The following LRMDA variants were observed in gnomAD, a reference collection of about 807,000 sequenced individuals.
The protein encoded by LRMDA is leucine-rich melanocyte differentiation-associated protein.
LRMDA carries 18 observed loss-of-function variants against 29.8 expected under a neutral mutation model. The ratio of observed to expected loss-of-function variants is 0.60; its 90% CI spans 0.42 to 0.90. LRMDA has a LOEUF of 0.90. Ranked by LOEUF, LRMDA falls within the 40% of genes least tolerant of loss-of-function variation. The pLI is 0.00. For synonymous variants in LRMDA, 125 were observed against 109.4 expected, an observed-to-expected ratio of 1.14 and a Z score of -0.89; for missense variants, 273 against 273.9, an observed-to-expected ratio of 1.00 and a Z score of 0.02.
intron 2 of LRMDA, among the ~76,000 whole-genome samples, chr10:75,713,848 C>CCT (rs1039534134): frequency 1.3e-5 from 2 of 151,698 alleles, no homozygotes; most frequent in Non-Finnish European, 2.9e-5. Flanking sequence ...TCTCTCCCAC[C>CCT]CTCTCTCTCT....
intron 6 of LRMDA, among the ~76,000 whole-genome samples, chr10:76,426,154 T>C (rs560686917): frequency 1.3e-5 from 2 of 152,284 alleles, no homozygotes; most frequent in South Asian, 4.1e-4. Context: ...TATTTCTAGT[T>C]CTAGATCCCT....
chr10:76,193,373 T>G (rs1379138166), intron 5 of LRMDA, among the ~76,000 whole-genome samples: 1 of 152,200 alleles, frequency 6.6e-6, no homozygotes, highest in Non-Finnish European at 1.5e-5. Context: ...TCAATCATTC[T>G]CTTTTAAAGT....
intron 5 of LRMDA, among the ~76,000 whole-genome samples, chr10:76,170,897 G>A (rs1850823326): frequency 6.6e-6 from 1 of 152,118 alleles, no homozygotes; most frequent in African/African-American, 2.4e-5. Context: ...AGGTATTTGT[G>A]GTATTGGTAT....
intron 2 of LRMDA, among the ~76,000 whole-genome samples, chr10:75,600,599 A>AGG (rs1271098777): frequency 1.3e-5 from 2 of 152,188 alleles, no homozygotes; most frequent in Non-Finnish European, 2.9e-5. Flanking sequence ...CCAGAAGAAA[A>AGG]GGCTTCTGGG....
chr10:76,383,427 T>C (rs1370628586), intron 6 of LRMDA, among the ~76,000 whole-genome samples: 2 of 137,524 alleles, frequency 1.5e-5, no homozygotes, highest in South Asian at 2.5e-4. Flanking sequence ...TTTTTTTTTT[T>C]TTTTTTTTTT....
chr10:76,291,405 T>C (rs149985095), intron 5 of LRMDA, among the ~76,000 whole-genome samples: 210 of 152,376 alleles, frequency 1.4e-3, no homozygotes, highest in African/African-American at 4.7e-3. Context: ...TGAAATGTTT[T>C]ACAATTGTGG....
chr10:76,483,070 T>C (rs762322840), intron 6 of LRMDA, among the ~76,000 whole-genome samples: 1 of 152,018 alleles, frequency 6.6e-6, no homozygotes, highest in Admixed American at 6.6e-5. Context: ...GTTCATTTTT[T>C]AAAATTGAAT....
rs927108562 is a variant in LRMDA at position 75,564,517 on chromosome 10, G to A, written c.131+126023G>A. On this transcript the variant is annotated intron_variant, in intron 2 of 6. Coordinates refer to ENST00000611255, the MANE Select transcript of LRMDA (RefSeq NM_001305581.2). ...AGGCAATGCCTCATCCTGCTTCAGC[G>A]CGCGCATGGTGCGCTGCACCCACTG... Among the ~76,000 whole-genome samples, 6 of 152,134 alleles carry A rather than the reference G, an allele frequency of 3.9e-5. No homozygotes were observed. In the South Asian group the frequency reaches 6.2e-4, roughly 16 times the overall value.
At chr10:75,714,858 C>CCTCCCTCCCTTCCTTA (rs2132181318) in intron 2 of LRMDA, among the ~76,000 whole-genome samples, 1 of 130,694 alleles carries the variant, frequency 7.7e-6, no homozygotes, top group South Asian at 2.9e-4. Context: ...TCCCTCCCTC[C>CCTCCCTCCCTTCCTTA]CTTCCTTCCT....
At chr10:76,241,470 C>T (rs1852276299) in intron 5 of LRMDA, among the ~76,000 whole-genome samples, 1 of 152,134 alleles carries the variant, frequency 6.6e-6, no homozygotes, top group Admixed American at 6.5e-5. Flanking sequence ...TATTTATTAC[C>T]TGGAATTCTG....
At chr10:75,858,218 A>T (rs1366800663) in intron 2 of LRMDA, among the ~76,000 whole-genome samples, 1 of 152,104 alleles carries the variant, frequency 6.6e-6, no homozygotes, top group African/African-American at 2.4e-5. Flanking sequence ...CCACATGGGG[A>T]CCCTGTATCA....
intron 5 of LRMDA, among the ~76,000 whole-genome samples, chr10:76,261,161 T>G (rs1589399116): frequency 1.3e-5 from 2 of 150,004 alleles, no homozygotes; most frequent in Admixed American, 1.3e-4. Flanking sequence ...ACCTCCTGGG[T>G]TCACGCCATT....
chr10:75,632,276 A>G (rs1484132147), intron 2 of LRMDA, among the ~76,000 whole-genome samples: 1 of 152,232 alleles, frequency 6.6e-6, no homozygotes, highest in Admixed American at 6.5e-5. Flanking sequence ...TGGGCTGTCC[A>G]TTGGAGGTCC....
chr10:75,526,970 A>G (rs1845421166), intron 2 of LRMDA, among the ~76,000 whole-genome samples: 1 of 152,196 alleles, frequency 6.6e-6, no homozygotes, highest in Admixed American at 6.5e-5. Flanking sequence ...ACCTCCATCT[A>G]GTTCTTGAAC....
chr10:75,751,187 T>C (rs1019304478), intron 2 of LRMDA, among the ~76,000 whole-genome samples: 2 of 152,102 alleles, frequency 1.3e-5, no homozygotes, highest in Non-Finnish European at 2.9e-5. Flanking sequence ...TGGCGGCGCG[T>C]GCCTGCAATC....
chr10:76,145,777 G>A (rs1013519016), intron 5 of LRMDA, among the ~76,000 whole-genome samples: 31 of 151,948 alleles, frequency 2.0e-4, no homozygotes, highest in Non-Finnish European at 4.4e-5. Context: ...TTTTAATTGT[G>A]ATGTTAGGGT....
chr10:75,587,627 T>G (rs16932385), intron 2 of LRMDA, among the ~76,000 whole-genome samples: 6,408 of 152,314 alleles, frequency 0.042, 228 homozygotes, highest in Admixed American at 0.12. Context: ...GCTGCGACTA[T>G]GGCAGTTGAT....
At chr10:75,649,661 G>T (rs532710017) in intron 2 of LRMDA, among the ~76,000 whole-genome samples, 1 of 152,250 alleles carries the variant, frequency 6.6e-6, no homozygotes, top group East Asian at 1.9e-4. Context: ...GTTCTTTTGG[G>T]TGTATACCCA....
chr10:75,549,675 C>T (rs530587067), intron 2 of LRMDA, among the ~76,000 whole-genome samples: 1 of 152,084 alleles, frequency 6.6e-6, no homozygotes, highest in Non-Finnish European at 1.5e-5. Flanking sequence ...ACAATTAATT[C>T]CCTTTCTAAG....
Sources: gnomAD v4.1 joint callset for allele counts (sites outside exome capture counted in the v4.1 genomes callset) on GRCh38, gnomAD v4.1.1 for gene constraint, MANE v1.5 for transcripts, NCBI Gene and HGNC (gene_info 2026-07-23, HGNC 2026-07-21) for gene names.